ANKRD26: variants seen among roughly 807,000 people sequenced by gnomAD.
ANKRD26 encodes the protein ankyrin repeat domain-containing protein 26.
ANKRD26 carries 141 observed loss-of-function variants against 208.7 expected under a neutral mutation model. The observed-to-expected ratio is 0.68, with a 90% confidence interval of 0.59 to 0.78. The LOEUF is 0.78. ANKRD26 is among the 30% of genes least tolerant of loss of function. ANKRD26 has a pLI of 0.00. For synonymous variants in ANKRD26, 636 were observed against 660.4 expected (o/e 0.96, Z 0.57); for missense variants, 1,889 against 1,938.7 (o/e 0.97, Z 0.48).
the ANKRD26 span, among the ~76,000 whole-genome samples, chr10:26,951,019 C>T: frequency 0.3 from 14,070 of 46,782 alleles, 3,025 homozygotes; most frequent in African/African-American, 0.58. Context: ...TTTTCTTTTT[C>T]TTTTTTTTTT....
chr10:27,086,697 A>G lies in ANKRD26; in HGVS notation c.639-88T>C, dbSNP rs67629636. ...TCTCAAAATCTTGAGTATTTCAGCC[A>G]TTATCAGAGCTAACAGCAGAATTTT... On this transcript the variant is annotated intron_variant, in intron 4 of 33. Coordinates refer to ENST00000376087, the MANE Select transcript of ANKRD26 (RefSeq NM_014915.3). The G allele has an allele frequency of 0.12, 166,680 of 1,407,552 alleles. 10,986 individuals are homozygous for G. Among genetic ancestry groups the G allele is most frequent in the East Asian group, 0.26 (10,330 of 39,346 alleles). The allele number at this position is 1,407,552 out of a possible 1,614,324, so 87.2% of individuals were successfully genotyped here.
At chr10:27,001,184 G>A (rs903923865), downstream of ANKRD26, among the ~76,000 whole-genome samples, 7 of 152,134 alleles carry the variant, frequency 4.6e-5, no homozygotes, top group African/African-American at 7.2e-5. Context: ...TGAACATTTC[G>A]GTTCAAAAGT....
rs1386233259 is a variant in ANKRD26 at position 27,014,727 on chromosome 10, A to G, written c.4507-16T>C. 1 of 1,598,726 alleles carries G rather than the reference A, an allele frequency of 6.3e-7. No individual in the cohort carries two copies. The highest frequency in any genetic ancestry group is 8.6e-7 in the Non-Finnish European group (1 of 1,168,306). ...CTGCTTGTGCCTAAAACAAATTAAA[A>G]GCATATGTTTTAAAAATATATAACC... is the stretch of plus-strand genomic sequence containing the variant. On this transcript the variant is annotated splice_polypyrimidine_tract_variant and intron_variant, in intron 30 of 33. Transcript: ENST00000376087.
the ANKRD26 span, among the ~76,000 whole-genome samples, chr10:26,949,175 A>T: frequency 6.6e-6 from 1 of 152,218 alleles, no homozygotes; most frequent in African/African-American, 2.4e-5. Context: ...TTACCATTTA[A>T]TCAGCTTACT....
downstream of ANKRD26, among the ~76,000 whole-genome samples, chr10:26,988,276 C>T (rs1212224932): frequency 2.0e-5 from 3 of 152,168 alleles, no homozygotes; most frequent in Admixed American, 6.6e-5. Context: ...AGGGTTAATA[C>T]TCAGTTCTTT....
chr10:27,035,874 A>AT, intron 23 of ANKRD26, 122 bp from the exon 24 acceptor site: 1 of 730,632 alleles, frequency 1.4e-6, no homozygotes, highest in Admixed American at 2.9e-5. Flanking sequence ...TGTATATCCA[A>AT]TTGAAAAAAA....
intron 1 of ANKRD26, among the ~76,000 whole-genome samples, chr10:27,097,640 T>G (rs994507431): frequency 4.0e-5 from 6 of 151,696 alleles, no homozygotes; most frequent in South Asian, 2.1e-4. Context: ...ATTTATCTTT[T>G]TTTTGTTTTG....
intron 16 of ANKRD26, chr10:27,052,073 A>G (rs868371299): frequency 1.0e-6 from 1 of 985,380 alleles, no homozygotes; most frequent in Middle Eastern, 5.2e-4. Flanking sequence ...ATGAAAGTGG[A>G]CGATTAATTT....
At chr10:26,995,791 T>C (rs1466592686) in intron 4 of ANKRD26, among the ~76,000 whole-genome samples, 1 of 152,142 alleles carries the variant, frequency 6.6e-6, no homozygotes, top group Non-Finnish European at 1.5e-5. Flanking sequence ...TGAGTAAATA[T>C]GAAATATCTT....
Position 27,024,617 on chromosome 10 carries a change from A to C in ANKRD26, c.3973-58T>G. 5 of 1,008,144 alleles carry C rather than the reference A, an allele frequency of 5.0e-6. No individual in the cohort carries two copies. In the South Asian group the frequency reaches 7.0e-5, roughly 14 times the overall value. 62.4% of individuals were successfully genotyped at this position (1,008,144 alleles called of 1,614,324 possible). On this transcript the variant is annotated intron_variant, in intron 27 of 33. Coordinates refer to ENST00000376087, the MANE Select transcript of ANKRD26 (RefSeq NM_014915.3). ...AACTCTGGAAACACTTTTTTTCTTA[A>C]AACTATTATTTCTTATGAGTTCATG...
intron 4 of ANKRD26, among the ~76,000 whole-genome samples, chr10:26,982,462 A>G (rs1255742765): frequency 6.6e-6 from 1 of 152,114 alleles, no homozygotes; most frequent in African/African-American, 2.4e-5. Flanking sequence ...GCATTTTAAA[A>G]AGAAATGAGT....
the ANKRD26 span, among the ~76,000 whole-genome samples, chr10:26,966,936 C>G: frequency 6.6e-6 from 1 of 152,150 alleles, no homozygotes; most frequent in South Asian, 2.1e-4. Flanking sequence ...GAAAAAAAAG[C>G]TTTCTTGCTT....
chr10:27,094,338 C>T (rs1023960540), intron 1 of ANKRD26, among the ~76,000 whole-genome samples: 7 of 152,000 alleles, frequency 4.6e-5, no homozygotes, highest in African/African-American at 1.4e-4. Context: ...CTTCTGAAAA[C>T]AGTACAATAT....
intron 3 of ANKRD26, among the ~76,000 whole-genome samples, chr10:26,984,954 A>T (rs1180822397): frequency 6.6e-6 from 1 of 152,054 alleles, no homozygotes; most frequent in East Asian, 1.9e-4. Flanking sequence ...AATTTGAAAA[A>T]CCTGGCCAGT....
intron 20 of ANKRD26, 50 bp downstream of exon 20, chr10:27,043,376 C>G: frequency 2.5e-6 from 4 of 1,585,952 alleles, no homozygotes; most frequent in Non-Finnish European, 3.5e-6. Flanking sequence ...ACATTACATA[C>G]ATTACAATGG....
downstream of ANKRD26, among the ~76,000 whole-genome samples, chr10:26,991,216 T>C (rs932059483): frequency 3.3e-5 from 5 of 152,142 alleles, no homozygotes; most frequent in Non-Finnish European, 7.4e-5. Flanking sequence ...CAAGCACCAA[T>C]AGGAGAGTTG....
intron 32 of ANKRD26, among the ~76,000 whole-genome samples, chr10:27,010,783 T>A (rs1176369438): frequency 6.6e-6 from 1 of 152,170 alleles, no homozygotes; most frequent in Non-Finnish European, 1.5e-5. Flanking sequence ...GTTGGGATTA[T>A]AGGCATGAAC....
intron 15 of ANKRD26, among the ~76,000 whole-genome samples, chr10:27,054,069 C>G (rs1217063397): frequency 6.6e-6 from 1 of 152,152 alleles, no homozygotes; most frequent in Admixed American, 6.6e-5. Flanking sequence ...TATCTTCCCC[C>G]AGATAAACAG....
At chr10:27,086,192 CA>C (rs2056109121) in intron 5 of ANKRD26, among the ~76,000 whole-genome samples, 1 of 151,948 alleles carries the variant, frequency 6.6e-6, no homozygotes, top group Non-Finnish European at 1.5e-5. Flanking sequence ...ATAGAAGATC[CA>C]TTTTTTATAA....
Sources: allele counts gnomAD v4.1 joint callset (sites outside exome capture counted in the v4.1 genomes callset), GRCh38; gene constraint gnomAD v4.1.1; transcripts MANE v1.5; gene names NCBI Gene and HGNC (gene_info 2026-07-23, HGNC 2026-07-21).